LRRTM4: variants seen among roughly 807,000 people sequenced by gnomAD.
LRRTM4 encodes the protein leucine-rich repeat transmembrane neuronal protein 4.
In LRRTM4, 25 loss-of-function variants were observed where a neutral mutation model predicts 47.6. The observed-to-expected ratio is 0.53, with a 90% CI of 0.38 to 0.73. LRRTM4 has a LOEUF of 0.73. Ranked by LOEUF, LRRTM4 falls within the 30% of genes least tolerant of loss-of-function variation. The pLI, the probability that LRRTM4 is intolerant of heterozygous loss-of-function variation, is 0.00. For missense variants in LRRTM4, 638 were observed against 713.4 expected (o/e 0.89, Z 1.20); for synonymous variants, 311 against 269.5 (o/e 1.15, Z -1.51).
intron 3 of LRRTM4, among the ~76,000 whole-genome samples, chr2:77,020,770 G>A (rs1022127041): frequency 6.6e-6 from 1 of 152,150 alleles, no homozygotes; most frequent in Non-Finnish European, 1.5e-5. Context: ...ATCTCTCAGC[G>A]TAGAGCCATG....
At chr2:77,043,586 AAGAG>A (rs146105824) in intron 3 of LRRTM4, among the ~76,000 whole-genome samples, 2,269 of 151,910 alleles carry the variant, frequency 0.015, 64 homozygotes, top group African/African-American at 0.052. Flanking sequence ...TGCAAGAGAG[AAGAG>A]AGAGAAAGAG....
At chr2:76,771,741 A>G (rs1438466267) in intron 3 of LRRTM4, among the ~76,000 whole-genome samples, 3 of 151,958 alleles carry the variant, frequency 2.0e-5, no homozygotes, top group Non-Finnish European at 4.4e-5. Context: ...CAGGCAGAAG[A>G]TCTTTCTCCT....
chr2:76,791,801 C>T (rs746909783), intron 3 of LRRTM4, among the ~76,000 whole-genome samples: 1 of 152,086 alleles, frequency 6.6e-6, no homozygotes. Context: ...ACTTATTTTG[C>T]CAACAGTATT....
At chr2:76,836,770 C>T (rs1671526112) in intron 3 of LRRTM4, among the ~76,000 whole-genome samples, 2 of 151,902 alleles carry the variant, frequency 1.3e-5, no homozygotes, top group South Asian at 4.1e-4. Flanking sequence ...AAAATATAGC[C>T]AATACAGAAC....
chr2:77,450,686 T>C (rs1009385783), intron 3 of LRRTM4, among the ~76,000 whole-genome samples: 1 of 152,130 alleles, frequency 6.6e-6, no homozygotes, highest in African/African-American at 2.4e-5. Context: ...TCTGGTTATA[T>C]ACTAATGGCT....
intron 3 of LRRTM4, among the ~76,000 whole-genome samples, chr2:77,310,154 C>G (rs1486240405): frequency 6.6e-6 from 1 of 152,036 alleles, no homozygotes; most frequent in Non-Finnish European, 1.5e-5. Context: ...ATATGCTAAG[C>G]TCATATGTTT....
At chr2:77,267,640 C>A (rs1366895762) in intron 3 of LRRTM4, among the ~76,000 whole-genome samples, 1 of 152,110 alleles carries the variant, frequency 6.6e-6, no homozygotes, top group Non-Finnish European at 1.5e-5. Flanking sequence ...CACTTCATAA[C>A]ACCATTAGAG....
chr2:77,080,294 C>G (rs2103853478), intron 3 of LRRTM4, among the ~76,000 whole-genome samples: 1 of 152,242 alleles, frequency 6.6e-6, no homozygotes, highest in South Asian at 2.1e-4. Flanking sequence ...CTTTATTCTT[C>G]TCTTCAGCCT....
intron 3 of LRRTM4, among the ~76,000 whole-genome samples, chr2:76,882,875 G>A (rs1672970738): frequency 6.6e-6 from 1 of 151,964 alleles, no homozygotes; most frequent in Admixed American, 6.5e-5. Context: ...TGTCTTCCAC[G>A]GGCCTACTCT....
chr2:77,312,686 G>C (rs1677490837), intron 3 of LRRTM4, among the ~76,000 whole-genome samples: 1 of 151,868 alleles, frequency 6.6e-6, no homozygotes, highest in South Asian at 2.1e-4. Flanking sequence ...TGGCTTAACT[G>C]TTGTCTTTCC....
intron 3 of LRRTM4, among the ~76,000 whole-genome samples, chr2:77,045,130 A>G (rs959093940): frequency 1.3e-4 from 20 of 152,078 alleles, no homozygotes; most frequent in Middle Eastern, 3.4e-3. Flanking sequence ...ATGTTTACCC[A>G]GCACAAATCT....
intron 3 of LRRTM4, among the ~76,000 whole-genome samples, chr2:76,994,474 G>A (rs892071740): frequency 6.6e-6 from 1 of 151,802 alleles, no homozygotes; most frequent in African/African-American, 2.4e-5. Context: ...TCAGCGTGAA[G>A]CTTTGGCTAC....
chr2:77,332,391 C>A (rs572680653), intron 3 of LRRTM4, among the ~76,000 whole-genome samples: 2 of 152,138 alleles, frequency 1.3e-5, no homozygotes, highest in Non-Finnish European at 2.9e-5. Flanking sequence ...ATTATTCATA[C>A]ACGTTTTAGA....
At chr2:76,938,606 T>C (rs539151779) in intron 3 of LRRTM4, among the ~76,000 whole-genome samples, 150 of 152,250 alleles carry the variant, frequency 9.9e-4, no homozygotes, top group Non-Finnish European at 1.7e-3. Context: ...AGATACTACA[T>C]TTCAAGTAAT....
At chr2:77,487,923 T>C (rs1677984318) in intron 3 of LRRTM4, among the ~76,000 whole-genome samples, 2 of 152,128 alleles carry the variant, frequency 1.3e-5, no homozygotes, top group South Asian at 4.1e-4. Context: ...TGTTGCTCAA[T>C]AAAGCACCTC....
At chr2:76,945,522 A>C (rs928300207) in intron 3 of LRRTM4, among the ~76,000 whole-genome samples, 3 of 152,060 alleles carry the variant, frequency 2.0e-5, no homozygotes, top group African/African-American at 7.2e-5. Context: ...CAGAATATTA[A>C]ATAGCTTTCC....
chr2:76,776,843 T>G (rs1329222656), intron 3 of LRRTM4, among the ~76,000 whole-genome samples: 1 of 145,764 alleles, frequency 6.9e-6, no homozygotes. Context: ...CATGCCTATG[T>G]CCTGAATGGT....
chr2:77,174,722 T>C (rs868284410), intron 3 of LRRTM4, among the ~76,000 whole-genome samples: 2 of 152,252 alleles, frequency 1.3e-5, no homozygotes, highest in African/African-American at 2.4e-5. Flanking sequence ...TGTATACATG[T>C]GCCATGTTGG....
At chr2:77,108,420 G>A (rs1032008659) in intron 3 of LRRTM4, among the ~76,000 whole-genome samples, 3 of 151,608 alleles carry the variant, frequency 2.0e-5, no homozygotes, top group African/African-American at 4.8e-5. Context: ...TCAATAATAT[G>A]GACAGTGTTT....
Sources: allele counts gnomAD v4.1 joint callset (sites outside exome capture counted in the v4.1 genomes callset), GRCh38; gene constraint gnomAD v4.1.1; transcripts MANE v1.5; gene names NCBI Gene and HGNC (gene_info 2026-07-23, HGNC 2026-07-21).